COL24A1: variants seen among roughly 807,000 people sequenced by gnomAD.
COL24A1 encodes the protein collagen type XXIV alpha 1 chain.
A neutral mutation model predicts 253.9 loss-of-function variants in COL24A1; 224 were observed. The ratio of observed to expected loss-of-function variants is 0.88; its 90% CI spans 0.79 to 0.99. The LOEUF (loss-of-function observed/expected upper bound fraction) is 0.99. COL24A1 is among the 50% of genes least tolerant of loss of function. The pLI, the probability that COL24A1 is intolerant of heterozygous loss-of-function variation, is 0.00. For synonymous variants in COL24A1, 685 were observed against 673.7 expected (o/e 1.02, Z -0.26); for missense variants, 2,131 against 2,068.5 (o/e 1.03, Z -0.59).
intron 47 of COL24A1, among the ~76,000 whole-genome samples, chr1:85,792,083 C>A (rs959066331): frequency 6.6e-6 from 1 of 152,040 alleles, no homozygotes; most frequent in Non-Finnish European, 1.5e-5. Context: ...TCTCTTCTTA[C>A]ATAAGTTCAC....
At chr1:85,894,334 C>T (rs1683437016) in intron 31 of COL24A1, among the ~76,000 whole-genome samples, 1 of 152,064 alleles carries the variant, frequency 6.6e-6, no homozygotes, top group Non-Finnish European at 1.5e-5. Context: ...AGGTTACAAA[C>T]CAGGGTAAGG....
At position 85,958,192 on chromosome 1, in the gene COL24A1, G is replaced by C. The variant is rs150573230; in HGVS notation, c.2562+3057C>G. 3.5e-4 allele frequency among the ~76,000 whole-genome samples: 53 copies of C among 152,074 alleles called. No individual in the cohort carries two copies. The East Asian group carries it at 0.01, about 29-fold the overall frequency. On this transcript the variant is annotated intron_variant, in intron 24 of 59. Transcript: ENST00000370571. The stretch of plus-strand genomic sequence containing the variant: ...CATTAAGTATTTTTTCCATAGCAAG[G>C]TAGGTGGCAAAGATGGAAATTATGT...
chr1:86,078,548 T>C (rs940507796), intron 7 of COL24A1, among the ~76,000 whole-genome samples: 10 of 152,182 alleles, frequency 6.6e-5, no homozygotes, highest in African/African-American at 2.2e-4. Flanking sequence ...AAGTTATAGC[T>C]GGTAAAACCT....
chr1:85,885,252 G>A (rs771986738), intron 32 of COL24A1, among the ~76,000 whole-genome samples: 19 of 151,710 alleles, frequency 1.3e-4, no homozygotes, highest in Non-Finnish European at 2.2e-4. Flanking sequence ...CCAGGCTGGA[G>A]TGCAGTGGCG....
intron 19 of COL24A1, among the ~76,000 whole-genome samples, chr1:85,989,936 A>G (rs1454007728): frequency 6.6e-6 from 1 of 152,120 alleles, no homozygotes; most frequent in Non-Finnish European, 1.5e-5. Context: ...GGGGTCCTAT[A>G]AGGTCCCTTA....
At chr1:85,939,609 G>A (rs1205710644) in intron 24 of COL24A1, among the ~76,000 whole-genome samples, 2 of 152,088 alleles carry the variant, frequency 1.3e-5, no homozygotes, top group Non-Finnish European at 2.9e-5. Flanking sequence ...CCTGATGATT[G>A]GCTGGAGGAG....
At position 86,125,127 on chromosome 1, in the gene COL24A1, A is replaced by T. The variant is rs544743716; in HGVS notation, c.1209T>A (p.Asp403Glu). 1.6e-4 allele frequency: 254 copies of T among 1,613,340 alleles called. 1 individual carries two copies. Among genetic ancestry groups the T allele is most frequent in the East Asian group, 8.0e-4 (36 of 44,848 alleles). ...TAGCCTTCTTGAGATTAGTAATTGT[A>T]TCTTGTTTAATTTGTGGAAGAATAG... ...MPSILPQIKQ[D>E]TITNLKKAIT... The change falls in exon 3 of 60, where the codon GAT becomes GAA. Residue 403 changes from aspartate to glutamate, a missense_variant. Transcript: ENST00000370571.
At chr1:85,992,693 C>T (rs1694402962) in intron 19 of COL24A1, among the ~76,000 whole-genome samples, 1 of 152,122 alleles carries the variant, frequency 6.6e-6, no homozygotes, top group African/African-American at 2.4e-5. Context: ...AAACAAAAAT[C>T]TGATAAAGAT....
intron 31 of COL24A1, among the ~76,000 whole-genome samples, chr1:85,894,216 C>T (rs1413491105): frequency 2.6e-5 from 4 of 152,134 alleles, no homozygotes; most frequent in African/African-American, 9.7e-5. Context: ...AGGTATAGAG[C>T]TAAGTAAACC....
chr1:85,767,827 A>C (rs1051033080), intron 53 of COL24A1, among the ~76,000 whole-genome samples: 2 of 152,210 alleles, frequency 1.3e-5, no homozygotes, highest in African/African-American at 2.4e-5. Context: ...TAGAACTGGA[A>C]ATAGTGTTTC....
chr1:85,943,700 C>A (rs532980987), intron 24 of COL24A1, among the ~76,000 whole-genome samples: 2 of 152,318 alleles, frequency 1.3e-5, no homozygotes, highest in Admixed American at 1.3e-4. Flanking sequence ...TAGACAACAA[C>A]CACTCTTTAA....
intron 20 of COL24A1, among the ~76,000 whole-genome samples, chr1:85,978,447 T>C (rs1692912770): frequency 6.6e-6 from 1 of 151,832 alleles, no homozygotes; most frequent in Non-Finnish European, 1.5e-5. Flanking sequence ...AAAAAATCCA[T>C]CAATTAAGTA....
intron 43 of COL24A1, among the ~76,000 whole-genome samples, chr1:85,836,135 C>A (rs974124666): frequency 6.6e-6 from 1 of 152,186 alleles, no homozygotes. Flanking sequence ...CTCATCAAAC[C>A]TAGCATAAAA....
chr1:85,907,115 C>T (rs1382971954), intron 28 of COL24A1, 79 bp downstream of exon 28: 4 of 1,131,116 alleles, frequency 3.5e-6, no homozygotes, highest in Non-Finnish European at 2.7e-6. Context: ...AGGTATGATG[C>T]TATTTTTGTT....
At chr1:85,860,492 A>G (rs1679016280) in intron 37 of COL24A1, among the ~76,000 whole-genome samples, 1 of 152,218 alleles carries the variant, frequency 6.6e-6, no homozygotes, top group South Asian at 2.1e-4. Context: ...CTGTAATCCC[A>G]GCAGTTTGGG....
At chr1:86,073,943 C>T (rs1190694240) in intron 7 of COL24A1, among the ~76,000 whole-genome samples, 2 of 152,004 alleles carry the variant, frequency 1.3e-5, no homozygotes, top group East Asian at 1.9e-4. Flanking sequence ...CACCACCAGG[C>T]CTGCCTTACA....
chr1:85,926,225 T>A (rs541160473), intron 24 of COL24A1, among the ~76,000 whole-genome samples: 1 of 152,164 alleles, frequency 6.6e-6, no homozygotes, highest in Admixed American at 6.5e-5. Context: ...ACACTGCTGG[T>A]GGGAGTGTAA....
intron 4 of COL24A1, among the ~76,000 whole-genome samples, chr1:86,114,498 G>A (rs989255882): frequency 6.6e-6 from 1 of 152,086 alleles, no homozygotes; most frequent in Non-Finnish European, 1.5e-5. Flanking sequence ...AGAGGAGAAC[G>A]AGCAAGGTTT....
intron 2 of COL24A1, among the ~76,000 whole-genome samples, chr1:86,131,684 C>A (rs987377357): frequency 6.6e-6 from 1 of 152,098 alleles, no homozygotes; most frequent in Non-Finnish European, 1.5e-5. Context: ...CTACAAAGGA[C>A]ATGAACTCAT....
Sources: allele counts gnomAD v4.1 joint callset (sites outside exome capture counted in the v4.1 genomes callset), GRCh38; gene constraint gnomAD v4.1.1; transcripts MANE v1.5; gene names NCBI Gene and HGNC (gene_info 2026-07-23, HGNC 2026-07-21).